UXS1: variants seen among roughly 807,000 people sequenced by gnomAD.
The protein encoded by UXS1 is UDP-glucuronate decarboxylase 1, also known as UDP-glucuronic acid decarboxylase 1.
A neutral mutation model predicts 62.6 loss-of-function variants in UXS1; 33 were observed. The observed-to-expected ratio is 0.53, with a 90% CI of 0.40 to 0.70. The LOEUF is 0.70. Ranked by LOEUF, UXS1 falls within the 30% of genes least tolerant of loss-of-function variation. The pLI is 0.00. For missense variants in UXS1, 434 were observed against 556.3 expected, an observed-to-expected ratio of 0.78 and a Z score of 2.21; for synonymous variants, 213 against 206.8, an observed-to-expected ratio of 1.03 and a Z score of -0.26.
At chr2:106,126,088 T>C (rs1328069397) in intron 7 of UXS1, among the ~76,000 whole-genome samples, 1 of 152,154 alleles carries the variant, frequency 6.6e-6, no homozygotes, top group East Asian at 1.9e-4. Context: ...GAACATCTCC[T>C]GGGCTCTTCT....
chr2:106,190,595 T>C (rs1367471900), intron 1 of UXS1, among the ~76,000 whole-genome samples: 1 of 151,772 alleles, frequency 6.6e-6, no homozygotes, highest in Non-Finnish European at 1.5e-5. Flanking sequence ...AATACAAAAT[T>C]AGCCGGGCGT....
intron 6 of UXS1, among the ~76,000 whole-genome samples, chr2:106,139,183 A>G (rs1488502430): frequency 6.6e-6 from 1 of 152,080 alleles, no homozygotes; most frequent in Non-Finnish European, 1.5e-5. Context: ...GGGGGACAGA[A>G]AGGCAGCCCA....
intron 8 of UXS1, 122 bp from the exon 9 acceptor site, chr2:106,123,213 T>C: frequency 2.2e-6 from 3 of 1,395,118 alleles, no homozygotes; most frequent in Non-Finnish European, 2.9e-6. Flanking sequence ...AGAGATGTAT[T>C]AAAGAGGCAA....
intron 1 of UXS1, among the ~76,000 whole-genome samples, chr2:106,184,088 A>G (rs924712763): frequency 3.9e-5 from 6 of 152,184 alleles, no homozygotes; most frequent in African/African-American, 1.4e-4. Flanking sequence ...GCTACTCAGG[A>G]GGCTGAGGCA....
intron 10 of UXS1, among the ~76,000 whole-genome samples, chr2:106,105,415 C>T (rs1677974538): frequency 1.3e-5 from 2 of 152,102 alleles, no homozygotes; most frequent in South Asian, 4.1e-4. Flanking sequence ...GTCACATTCC[C>T]CTTTGTTTCC....
intron 10 of UXS1, among the ~76,000 whole-genome samples, chr2:106,112,323 C>T (rs998988163): frequency 6.6e-6 from 1 of 152,262 alleles, no homozygotes; most frequent in Non-Finnish European, 1.5e-5. Flanking sequence ...ACACCCAGTA[C>T]AGGCACACCC....
intron 10 of UXS1, among the ~76,000 whole-genome samples, chr2:106,106,043 A>G (rs1678035698): frequency 6.6e-6 from 1 of 152,144 alleles, no homozygotes; most frequent in South Asian, 2.1e-4. Flanking sequence ...TCTGAGAAGG[A>G]AAAGGGGAAG....
chr2:106,167,209 A>G (rs1683265773), intron 1 of UXS1, among the ~76,000 whole-genome samples: 1 of 152,216 alleles, frequency 6.6e-6, no homozygotes, highest in Non-Finnish European at 1.5e-5. Flanking sequence ...GATTCTTTCT[A>G]CGGAAGCCTT....
At chr2:106,103,365 G>A (rs1311556886) in intron 11 of UXS1, among the ~76,000 whole-genome samples, 2 of 152,172 alleles carry the variant, frequency 1.3e-5, no homozygotes, top group Non-Finnish European at 2.9e-5. Flanking sequence ...AAGCCTGGGC[G>A]CCACTGGTGA....
chr2:106,141,763 T>A (rs984573887), intron 6 of UXS1, among the ~76,000 whole-genome samples: 1 of 152,292 alleles, frequency 6.6e-6, no homozygotes, highest in South Asian at 2.1e-4. Flanking sequence ...TTTCCATTTA[T>A]TTTTTAAAAT....
intron 12 of UXS1, 99 bp downstream of exon 12, chr2:106,100,959 T>C: frequency 1.4e-6 from 2 of 1,418,618 alleles, no homozygotes; most frequent in Non-Finnish European, 2.0e-6. Flanking sequence ...GTCCTAAGTG[T>C]GCCGATGGCA....
At chr2:106,146,137 G>T (rs1681542851) in intron 5 of UXS1, among the ~76,000 whole-genome samples, 1 of 152,198 alleles carries the variant, frequency 6.6e-6, no homozygotes, top group African/African-American at 2.4e-5. Context: ...AAATTAAATG[G>T]TGTAACTGGA....
chr2:106,153,947 C>G (rs1368631024), intron 5 of UXS1, among the ~76,000 whole-genome samples: 1 of 152,100 alleles, frequency 6.6e-6, no homozygotes, highest in Non-Finnish European at 1.5e-5. Context: ...ACTAAAAATT[C>G]AACAAAGGGA....
At chr2:106,148,114 C>G (rs963548861) in intron 5 of UXS1, among the ~76,000 whole-genome samples, 2 of 152,232 alleles carry the variant, frequency 1.3e-5, no homozygotes, top group Admixed American at 6.5e-5. Context: ...CTGGGACACA[C>G]TAAAGCTACA....
intron 9 of UXS1, among the ~76,000 whole-genome samples, chr2:106,116,402 G>A (rs1242127244): frequency 1.3e-5 from 2 of 152,156 alleles, no homozygotes; most frequent in African/African-American, 2.4e-5. Context: ...TAATGAGCAG[G>A]ACTTCTACAA....
chr2:106,108,285 AAAAG>A (rs1243185028), intron 10 of UXS1, among the ~76,000 whole-genome samples: 4 of 152,256 alleles, frequency 2.6e-5, no homozygotes, highest in Non-Finnish European at 4.4e-5. Context: ...AATGTAAAGT[AAAAG>A]AAAGGGGTGT....
At position 106,096,939 on chromosome 2, in the gene UXS1, GA is replaced by G. The variant is rs761723460; in HGVS notation, c.1043-119del. The stretch of plus-strand genomic sequence containing the variant: ...TGGTGTGAATAGGGTGCAGGCGGTG[GA>G]AATGCAGTTCTCTGAGAAGCCCCGG... On this transcript the variant is annotated intron_variant, in intron 13 of 14. Coordinates refer to ENST00000283148, the MANE Select transcript of UXS1 (RefSeq NM_001253875.2). 1.0e-5 allele frequency: 10 copies of G among 1,004,522 alleles called. No homozygotes were observed. In the East Asian group the frequency reaches 2.6e-4, roughly 26 times the overall value. 62.2% of individuals were successfully genotyped at this position (1,004,522 alleles called of 1,614,324 possible). A position where few individuals can be genotyped will look rare whatever the true frequency, so the allele number is the denominator to read the frequency against.
At chr2:106,112,523 C>A (rs576167451) in intron 10 of UXS1, 123 bp downstream of exon 10, 12 of 1,427,034 alleles carry the variant, frequency 8.4e-6, no homozygotes, top group Admixed American at 6.5e-5. Context: ...TGGAGGGTAG[C>A]GGGTATACAT....
Position 106,177,269 on chromosome 2 carries a change from C to T in UXS1, c.95-11186G>A, listed in dbSNP as rs544019265. 6.8e-5 allele frequency among the ~76,000 whole-genome samples: 10 copies of T among 147,480 alleles called. No individual in the cohort carries two copies. The South Asian group carries it at 2.1e-3, about 31-fold the overall frequency. ...GGAATGAAGTGGCATGATCTTGGCT[C>T]ACTGTAACCTTTGCCGCCCGGGTTC... On this transcript the variant is annotated intron_variant, in intron 1 of 14. Coordinates refer to ENST00000283148, the MANE Select transcript of UXS1 (RefSeq NM_001253875.2).
Sources: allele counts gnomAD v4.1 joint callset (sites outside exome capture counted in the v4.1 genomes callset), GRCh38; gene constraint gnomAD v4.1.1; transcripts MANE v1.5; gene names NCBI Gene and HGNC (gene_info 2026-07-23, HGNC 2026-07-21).